The following ROBO1 variants were observed in gnomAD, a reference collection of about 807,000 sequenced individuals.
ROBO1 encodes roundabout homolog 1.
ROBO1 carries 149 observed loss-of-function variants against 195.9 expected under a neutral mutation model. The ratio of observed to expected loss-of-function variants is 0.76; its 90% CI spans 0.67 to 0.87. The LOEUF (loss-of-function observed/expected upper bound fraction) is 0.87. Ranked by LOEUF, ROBO1 falls within the 40% of genes least tolerant of loss-of-function variation. The pLI, the probability that ROBO1 is intolerant of heterozygous loss-of-function variation, is 0.00. For missense variants in ROBO1, 1,933 were observed against 2,068.3 expected, an observed-to-expected ratio of 0.93 and a Z score of 1.27; for synonymous variants, 816 against 733.2, an observed-to-expected ratio of 1.11 and a Z score of -1.82.
At position 79,337,125 on chromosome 3, in the gene ROBO1, G is replaced by A. The variant is rs1397761251; in HGVS notation, c.89-211586C>T. Among the ~76,000 whole-genome samples the A allele has an allele frequency of 2.6e-5, 4 of 152,094 alleles. No individual in the cohort carries two copies. In the South Asian group the frequency reaches 6.2e-4, roughly 24 times the overall value. ...GATTTTACAGGCTCATAAGTGGAAG[G>A]GACTTGCCTTGTCTCAGATGAGACT... On this transcript the variant is annotated intron_variant, in intron 2 of 30. Transcript: ENST00000464233.
chr3:78,767,944 T>C (rs373788509), intron 4 of ROBO1, among the ~76,000 whole-genome samples: 1 of 152,184 alleles, frequency 6.6e-6, no homozygotes, highest in Non-Finnish European at 1.5e-5. Flanking sequence ...TAATCTTGGT[T>C]ATTTCCTTTC....
At chr3:78,791,263 T>A (rs2084011798) in intron 4 of ROBO1, among the ~76,000 whole-genome samples, 1 of 152,218 alleles carries the variant, frequency 6.6e-6, no homozygotes, top group East Asian at 1.9e-4. Flanking sequence ...AGAAGTATTA[T>A]AATTTTCATG....
intron 2 of ROBO1, among the ~76,000 whole-genome samples, chr3:79,243,857 G>T (rs2082570857): frequency 1.3e-5 from 2 of 152,040 alleles, no homozygotes; most frequent in African/African-American, 4.8e-5. Context: ...TGTCAATTTT[G>T]GCTTTTGTTG....
intron 3 of ROBO1, among the ~76,000 whole-genome samples, chr3:78,997,343 T>C (rs1205670191): frequency 6.6e-6 from 1 of 152,138 alleles, no homozygotes; most frequent in Admixed American, 6.6e-5. Context: ...ATAGGTTCCA[T>C]GAGAGACTAG....
intron 2 of ROBO1, among the ~76,000 whole-genome samples, chr3:79,548,114 C>G (rs1452157917): frequency 1.3e-5 from 2 of 152,094 alleles, no homozygotes; most frequent in Admixed American, 1.3e-4. Flanking sequence ...GAAAGTGTGG[C>G]CAGCAAATCA....
chr3:79,009,941 T>G (rs2077733978), intron 3 of ROBO1, among the ~76,000 whole-genome samples: 1 of 152,198 alleles, frequency 6.6e-6, no homozygotes, highest in African/African-American at 2.4e-5. Context: ...AGTTGGTACT[T>G]ACAATTTCAA....
chr3:78,659,645 G>A, intron 17 of ROBO1, 41 bp downstream of exon 17: 3 of 1,319,920 alleles, frequency 2.3e-6, no homozygotes, highest in Non-Finnish European at 2.9e-6. Flanking sequence ...GGTGGGGGCT[G>A]CCCATCAGGA....
At chr3:79,478,752 G>A (rs566071967) in intron 2 of ROBO1, among the ~76,000 whole-genome samples, 1 of 152,138 alleles carries the variant, frequency 6.6e-6, no homozygotes, top group East Asian at 1.9e-4. Context: ...TAGAACTGAT[G>A]AGCCATTCTG....
At chr3:79,651,047 TGTA>T (rs1336275707) in intron 1 of ROBO1, among the ~76,000 whole-genome samples, 1 of 152,040 alleles carries the variant, frequency 6.6e-6, no homozygotes, top group Non-Finnish European at 1.5e-5. Context: ...TATTAGAAAA[TGTA>T]GTCTATAAAT....
intron 4 of ROBO1, among the ~76,000 whole-genome samples, chr3:78,878,698 T>G (rs2107230344): frequency 6.6e-6 from 1 of 151,402 alleles, no homozygotes; most frequent in Non-Finnish European, 1.5e-5. Context: ...ATAAAAAAGT[T>G]AACAGTATCA....
At chr3:79,154,739 C>T (rs2080829883) in intron 2 of ROBO1, among the ~76,000 whole-genome samples, 1 of 151,678 alleles carries the variant, frequency 6.6e-6, no homozygotes, top group Non-Finnish European at 1.5e-5. Context: ...AAATAACATA[C>T]TACTTATCAA....
chr3:79,766,430 CCACCCCACCCATCT>C (rs1704994628), intron 1 of ROBO1, among the ~76,000 whole-genome samples: 1 of 151,782 alleles, frequency 6.6e-6, no homozygotes, highest in South Asian at 2.1e-4. Context: ...TCCGTCTCCC[CCACCCCACCCATCT>C]GCGTGGGACA....
chr3:79,244,999 C>T (rs886709993), intron 2 of ROBO1, among the ~76,000 whole-genome samples: 41 of 152,148 alleles, frequency 2.7e-4, no homozygotes, highest in African/African-American at 9.9e-4. Flanking sequence ...CATATAGTGA[C>T]TTTTAGATTG....
chr3:79,147,464 C>T (rs536813671), intron 2 of ROBO1, among the ~76,000 whole-genome samples: 3 of 151,956 alleles, frequency 2.0e-5, no homozygotes, highest in African/African-American at 7.2e-5. Context: ...GCGATGTTCC[C>T]GAGGCAATGA....
chr3:78,767,344 C>T (rs1323197021), intron 4 of ROBO1, among the ~76,000 whole-genome samples: 1 of 152,064 alleles, frequency 6.6e-6, no homozygotes, highest in East Asian at 1.9e-4. Flanking sequence ...TGGCTCACTG[C>T]AACCTCCACC....
intron 4 of ROBO1, among the ~76,000 whole-genome samples, chr3:78,884,072 AG>A (rs1256875981): frequency 6.6e-6 from 1 of 152,298 alleles, no homozygotes; most frequent in East Asian, 1.9e-4. Flanking sequence ...TGAGCTCATA[AG>A]GGACTTTTCC....
chr3:79,673,521 C>T (rs1946691387), intron 1 of ROBO1, among the ~76,000 whole-genome samples: 1 of 151,910 alleles, frequency 6.6e-6, no homozygotes, highest in Non-Finnish European at 1.5e-5. Flanking sequence ...TTTAAAGTAC[C>T]TGCCATAGGC....
chr3:79,737,397 C>T (rs912940649), intron 1 of ROBO1, among the ~76,000 whole-genome samples: 1 of 152,144 alleles, frequency 6.6e-6, no homozygotes, highest in African/African-American at 2.4e-5. Context: ...TATACTTAAT[C>T]TAAGCCTACT....
At chr3:79,238,890 C>A (rs2082461353) in intron 2 of ROBO1, among the ~76,000 whole-genome samples, 1 of 152,124 alleles carries the variant, frequency 6.6e-6, no homozygotes. Flanking sequence ...GTCTTTTTGC[C>A]TCTATTTTCA....
Sources: gnomAD v4.1 joint callset for allele counts (sites outside exome capture counted in the v4.1 genomes callset) on GRCh38, gnomAD v4.1.1 for gene constraint, MANE v1.5 for transcripts, NCBI Gene and HGNC (gene_info 2026-07-23, HGNC 2026-07-21) for gene names.